Variants in ADSS2 observed in about 807,000 individuals in gnomAD.
ADSS2 encodes the protein adenylosuccinate synthase 2.
In ADSS2, 30 loss-of-function variants were observed where a neutral mutation model predicts 60.0. That is an observed-to-expected ratio of 0.50 (90% CI 0.37 to 0.68). The LOEUF is 0.68. ADSS2 is among the 30% of genes least tolerant of loss of function. The pLI is 0.00. For missense variants in ADSS2, 373 were observed against 554.8 expected, an observed-to-expected ratio of 0.67 and a Z score of 3.29; for synonymous variants, 187 against 193.1, an observed-to-expected ratio of 0.97 and a Z score of 0.26.
chr1:244,445,206 C>T (rs1665354829), intron 1 of ADSS2, among the ~76,000 whole-genome samples: 1 of 152,144 alleles, frequency 6.6e-6, no homozygotes, highest in Admixed American at 6.5e-5. Flanking sequence ...TAAACAAATC[C>T]CCATTTTGCT....
At chr1:244,418,410 T>G (rs1369723025) in intron 9 of ADSS2, among the ~76,000 whole-genome samples, 1 of 152,202 alleles carries the variant, frequency 6.6e-6, no homozygotes, top group African/African-American at 2.4e-5. Flanking sequence ...CAACCTCTGC[T>G]TCCTGGGCTC....
intron 1 of ADSS2, among the ~76,000 whole-genome samples, chr1:244,444,856 G>T (rs557416828): frequency 1.6e-4 from 24 of 152,236 alleles, no homozygotes; most frequent in African/African-American, 5.8e-4. Flanking sequence ...GAACAATCCA[G>T]AACAAATGCT....
At chr1:244,447,942 C>T (rs1665434911) in intron 1 of ADSS2, among the ~76,000 whole-genome samples, 1 of 152,076 alleles carries the variant, frequency 6.6e-6, no homozygotes, top group Admixed American at 6.6e-5. Context: ...AGAAGTCTCC[C>T]TTTTGAGAAA....
At chr1:244,435,432 T>G (rs1665071981) in intron 3 of ADSS2, among the ~76,000 whole-genome samples, 1 of 152,142 alleles carries the variant, frequency 6.6e-6, no homozygotes, top group Non-Finnish European at 1.5e-5. Flanking sequence ...TCATTTATGT[T>G]TCATATACAC....
Position 244,417,610 on chromosome 1 carries a change from T to A in ADSS2, c.1070+18A>T, listed in dbSNP as rs1367698298. On this transcript the variant is annotated intron_variant, in intron 10 of 12. Coordinates refer to ENST00000366535, the MANE Select transcript of ADSS2 (RefSeq NM_001126.5). ...CATCTATGATTTCCTGAAATAAATG[T>A]TTCTGAAGAATACTCACGCAGTAAA... 8 of 1,610,668 alleles carry A rather than the reference T, an allele frequency of 5.0e-6. No homozygotes were observed. The highest frequency in any genetic ancestry group is 6.8e-6 in the Non-Finnish European group (8 of 1,179,290).
intron 6 of ADSS2, among the ~76,000 whole-genome samples, 157 bp downstream of exon 6, chr1:244,423,796 A>G (rs1446341831): frequency 6.6e-6 from 1 of 152,166 alleles, no homozygotes. Flanking sequence ...CCAAGGATGA[A>G]TTAGAATGTA....
Position 244,432,582 on chromosome 1 carries a change from C to T in ADSS2, c.369G>A (p.Trp123Ter). 2 of 1,579,432 alleles carry T rather than the reference C, an allele frequency of 1.3e-6. No individual in the cohort carries two copies. The highest frequency in any genetic ancestry group is 1.7e-6 in the Non-Finnish European group (2 of 1,159,884). ...NVQKGKGLEGWEKRLIISDRA... is the reference protein window; with the variant it reads ...NVQKGKGLEG ...TGTCAGATATAATAAGCCTTTTTTC[C>T]CAGCCTTCTAGTCCTAGAAAGGGGA... The change falls in exon 4 of 13, where the codon TGG (tryptophan) becomes TGA (stop). Residue 123 changes from tryptophan to a stop codon, truncating the protein, a stop_gained. Transcript: ENST00000366535. LOFTEE classifies it high-confidence loss of function.
Position 244,451,744 on chromosome 1 carries a change from G to A in ADSS2, c.74C>T (p.Pro25Leu), listed in dbSNP as rs1410405172. Residue 25 changes from proline to leucine, a missense_variant, in exon 1 of 13, where the codon CCC becomes CTC. By Grantham distance (98) the Pro-to-Leu change is moderately conservative. This residue lies in a region of ADSS2 where 47 missense variants were observed against 48.3 expected (regional missense o/e 0.97). Transcript: ENST00000366535. This position sits in a 1 kb window ranked among gnomAD's most constrained non-coding sequence, Gnocchi z 6.6. ...CACCACCGTCACCCGGTTTCCTCCGGGCCGCGCCCTGGGGCGGCCGCAATC... is the reference window on the plus strand; with the variant it reads ...CACCACCGTCACCCGGTTTCCTCCGAGCCGCGCCCTGGGGCGGCCGCAATC... ...NGDCGRPRAR[P>L]GGNRVTVVLG... 6.2e-7 allele frequency: 1 copy of A among 1,605,616 alleles called. No individual in the cohort carries two copies. The highest frequency in any genetic ancestry group is 8.5e-7 in the Non-Finnish European group (1 of 1,176,412).
intron 7 of ADSS2, among the ~76,000 whole-genome samples, chr1:244,421,666 G>C (rs763062079): frequency 2.0e-5 from 3 of 152,184 alleles, no homozygotes; most frequent in African/African-American, 4.8e-5. Context: ...CAAGTTGCTA[G>C]TCAAAAAGTT....
chr1:244,449,747 T>C (rs1424295094), intron 1 of ADSS2, among the ~76,000 whole-genome samples: 1 of 152,152 alleles, frequency 6.6e-6, no homozygotes, highest in Non-Finnish European at 1.5e-5. Context: ...AATACACAGG[T>C]GAGGGAAGTC....
At chr1:244,426,173 G>A (rs12408141) in intron 4 of ADSS2, among the ~76,000 whole-genome samples, 11,041 of 152,114 alleles carry the variant, frequency 0.073, 581 homozygotes, top group Admixed American at 0.15. Flanking sequence ...CCCTGATTTT[G>A]CAAATCAGTC....
rs1462780227 is a variant in ADSS2 at position 244,428,454 on chromosome 1, CAT to C, written c.407-4069_407-4068del. ...CATAATTACATGTGTTAGAGGAACA[CAT>C]GTAATTTTAAATGCTTACATTAGAA... On this transcript the variant is annotated intron_variant, in intron 4 of 12. Transcript: ENST00000366535. Among the ~76,000 whole-genome samples, 3 of 147,792 alleles carry C rather than the reference CAT, an allele frequency of 2.0e-5. No individual in the cohort carries two copies. The Admixed American group carries it at 2.0e-4, about 10-fold the overall frequency.
Position 244,451,558 on chromosome 1 carries a change from C to G in ADSS2, c.183+77G>C. The stretch of plus-strand genomic sequence containing the variant: ...TGGCCAGTGGATCCGGGTTCTGGGT[C>G]CGAGTTCCCGGGCACCAGGAGCCAG... On this transcript the variant is annotated intron_variant, in intron 1 of 12. Transcript: ENST00000366535. This position sits in a 1 kb window ranked among gnomAD's most constrained non-coding sequence, Gnocchi z 6.6. 6 of 1,470,846 alleles carry G rather than the reference C, an allele frequency of 4.1e-6. No homozygotes were observed. The highest frequency in any genetic ancestry group is 4.5e-6 in the Non-Finnish European group (5 of 1,102,408). The allele number at this position is 1,470,846 out of a possible 1,614,324, so 91.1% of individuals were successfully genotyped here. A position where few individuals can be genotyped will look rare whatever the true frequency, so the allele number is the denominator to read the frequency against.
intron 1 of ADSS2, among the ~76,000 whole-genome samples, chr1:244,440,950 C>A (rs919276766): frequency 2.6e-5 from 4 of 152,078 alleles, no homozygotes; most frequent in Admixed American, 2.0e-4. Flanking sequence ...TTGCAATAAA[C>A]TTCCTGGTAT....
intron 4 of ADSS2, among the ~76,000 whole-genome samples, chr1:244,431,637 A>C (rs570719055): frequency 6.6e-6 from 1 of 152,354 alleles, no homozygotes; most frequent in Admixed American, 6.5e-5. Flanking sequence ...ACTGTTTTTC[A>C]GTAAAAACAA....
At chr1:244,411,500 A>G (rs1258086185) in intron 11 of ADSS2, 64 bp from the exon 12 acceptor site, 2 of 1,479,764 alleles carry the variant, frequency 1.4e-6, no homozygotes, top group South Asian at 2.5e-5. Context: ...ACTTTTTGAT[A>G]TATTGTAGGT....
At chr1:244,421,400 G>C (rs1429154291) in intron 7 of ADSS2, among the ~76,000 whole-genome samples, 1 of 152,170 alleles carries the variant, frequency 6.6e-6, no homozygotes, top group African/African-American at 2.4e-5. Context: ...AATACCCACT[G>C]ATAAATGTAT....
intron 1 of ADSS2, among the ~76,000 whole-genome samples, chr1:244,448,628 T>C (rs537738649): frequency 2.0e-5 from 3 of 152,332 alleles, no homozygotes; most frequent in South Asian, 2.1e-4. Flanking sequence ...TAAACTACTA[T>C]AGTTAAGAAG....
chr1:244,444,659 A>T (rs1231232713), intron 1 of ADSS2, among the ~76,000 whole-genome samples: 2 of 152,014 alleles, frequency 1.3e-5, no homozygotes, highest in Non-Finnish European at 1.5e-5. Flanking sequence ...CTAAAATTCT[A>T]TGTTCTCAAA....
Sources: gnomAD v4.1 joint callset for allele counts (sites outside exome capture counted in the v4.1 genomes callset) on GRCh38, gnomAD v4.1.1 for gene constraint, gnomAD v4.1.1 regional missense constraint, Gnocchi (gnomAD v3.1) non-coding constraint, MANE v1.5 for transcripts, NCBI Gene and HGNC (gene_info 2026-07-23, HGNC 2026-07-21) for gene names.